PPIP5K2: variants seen among roughly 807,000 people sequenced by gnomAD.
The protein encoded by PPIP5K2 is inositol hexakisphosphate and diphosphoinositol-pentakisphosphate kinase 2.
In PPIP5K2, 105 loss-of-function variants were observed where a neutral mutation model predicts 154.6. The observed-to-expected ratio is 0.68, with a 90% CI of 0.58 to 0.80. The LOEUF is 0.80. Among genes scored for constraint, PPIP5K2 ranks in the 30% least tolerant of loss-of-function variants. The pLI is 0.00. For missense variants in PPIP5K2, 992 were observed against 1,504.6 expected, an observed-to-expected ratio of 0.66 and a Z score of 5.64; for synonymous variants, 480 against 490.3, an observed-to-expected ratio of 0.98 and a Z score of 0.28.
chr5:103,169,800 A>G (rs1797695447), intron 19 of PPIP5K2, among the ~76,000 whole-genome samples: 2 of 151,732 alleles, frequency 1.3e-5, no homozygotes. Context: ...GTAAAAGACA[A>G]GTTTTATTTT....
chr5:103,150,306 G>A (rs529832080), intron 8 of PPIP5K2, among the ~76,000 whole-genome samples: 1 of 152,278 alleles, frequency 6.6e-6, no homozygotes, highest in South Asian at 2.1e-4. Flanking sequence ...GATTCTGAAA[G>A]CTGTGACAAA....
chr5:103,124,063 G>A lies in PPIP5K2; in HGVS notation c.-285+3575G>A, dbSNP rs946581340. ...TGGGAGGCCGAGGCGGGAGGATCAC[G>A]AGGTCAGGAGATTGAAACCATCCTG... On this transcript the variant is annotated intron_variant, in intron 1 of 30. Coordinates refer to ENST00000358359, the MANE Select transcript of PPIP5K2 (RefSeq NM_001276277.3). Among the ~76,000 whole-genome samples the A allele has an allele frequency of 4.6e-5, 7 of 152,128 alleles. No individual in the cohort carries two copies. In the South Asian group the frequency reaches 1.0e-3, roughly 23 times the overall value.
chr5:103,187,347 C>T lies in PPIP5K2; in HGVS notation c.3323C>T (p.Ser1108Phe). 6.5e-7 allele frequency: 1 copy of T among 1,535,324 alleles called. No individual in the cohort carries two copies. The highest frequency in any genetic ancestry group is 8.7e-7 in the Non-Finnish European group (1 of 1,146,274). ...CGCGGTTCTGCTGTTAAAAGGTTTT[C>T]TATCTCATTTGCTCGACACCCAACC... ...ATRGSAVKRF[S>F]ISFARHPTNG... The change falls in exon 28 of 31, where the codon TCT becomes TTT. Residue 1108 changes from serine to phenylalanine, a missense_variant. This residue lies in a region of PPIP5K2 where 29 missense variants were observed against 56.4 expected (regional missense o/e 0.51). Coordinates refer to ENST00000358359, the MANE Select transcript of PPIP5K2 (RefSeq NM_001276277.3).
At chr5:103,147,285 T>C (rs1793912373) in intron 6 of PPIP5K2, among the ~76,000 whole-genome samples, 1 of 151,960 alleles carries the variant, frequency 6.6e-6, no homozygotes, top group African/African-American at 2.4e-5. Context: ...CACAGTGAGA[T>C]ACCATTTTAA....
intron 23 of PPIP5K2, 29 bp from the exon 24 acceptor site, chr5:103,179,992 T>C: frequency 6.7e-7 from 1 of 1,502,958 alleles, no homozygotes; most frequent in Non-Finnish European, 8.9e-7. Flanking sequence ...ATCTGAATAG[T>C]AAAAGTGTTT....
chr5:103,126,219 C>A (rs1304277175), intron 1 of PPIP5K2, among the ~76,000 whole-genome samples: 1 of 152,076 alleles, frequency 6.6e-6, no homozygotes, highest in Non-Finnish European at 1.5e-5. Context: ...TTTACCTAGT[C>A]CCTCACCAAA....
rs1799877084 is a variant in PPIP5K2 at position 103,183,353 on chromosome 5, T to A, written c.3042T>A (p.Pro1014=). Reference sequence around the variant, plus strand: ...CAGGGGAACAAATCACTTCTTCCCCTGTCTCCCCCAAATCATTGGCTTTCA... The same window carrying A: ...CAGGGGAACAAATCACTTCTTCCCCAGTCTCCCCCAAATCATTGGCTTTCA... The part of the protein sequence containing the change: ...RRSGEQITSS[P]VSPKSLAFTS... The change falls in exon 25 of 31, where the codon CCT becomes CCA. Residue 1014 remains proline, a synonymous_variant. Transcript: ENST00000358359. 6.2e-7 allele frequency: 1 copy of A among 1,611,266 alleles called. No homozygotes were observed. Among genetic ancestry groups the A allele is most frequent in the African/African-American group, 1.3e-5 (1 of 74,530 alleles).
chr5:103,148,951 C>G (rs1015602624), intron 7 of PPIP5K2, among the ~76,000 whole-genome samples: 4 of 152,026 alleles, frequency 2.6e-5, no homozygotes, highest in Non-Finnish European at 5.9e-5. Context: ...CTTCACTTTA[C>G]CAATTTTGCT....
At chr5:103,159,769 T>C (rs957432172) in intron 17 of PPIP5K2, among the ~76,000 whole-genome samples, 3 of 152,180 alleles carry the variant, frequency 2.0e-5, no homozygotes, top group African/African-American at 4.8e-5. Context: ...CACATCCTTA[T>C]TTATTTGTGA....
intron 17 of PPIP5K2, among the ~76,000 whole-genome samples, chr5:103,166,888 G>A (rs1051212734): frequency 1.3e-5 from 2 of 151,882 alleles, no homozygotes; most frequent in Non-Finnish European, 2.9e-5. Flanking sequence ...AAAAGAAAGA[G>A]GAAGAGGAGG....
chr5:103,162,233 T>C (rs1554216117), intron 17 of PPIP5K2, among the ~76,000 whole-genome samples: 1 of 152,188 alleles, frequency 6.6e-6, no homozygotes, highest in Non-Finnish European at 1.5e-5. Flanking sequence ...GTCTATGTTT[T>C]TCTTCTTGGA....
Position 103,173,876 on chromosome 5 carries a change from G to A in PPIP5K2, c.2433G>A (p.Leu811=). ...KLHPVYSRGV[L]SPERHVRTRL... ...ATTTTAGGTATTCTAGAGGTGTTCT[G>A]TCTCCTGAACGTCATGTTCGTACTA... The change falls in exon 21 of 31, where the codon CTG becomes CTA. Residue 811 remains leucine, a synonymous_variant. Transcript: ENST00000358359. The A allele has an allele frequency of 1.3e-6, 2 of 1,599,734 alleles. No individual in the cohort carries two copies. The highest frequency in any genetic ancestry group is 1.7e-6 in the Non-Finnish European group (2 of 1,168,324).
chr5:103,197,695 C>A (rs2149838040), intron 30 of PPIP5K2, among the ~76,000 whole-genome samples: 1 of 150,152 alleles, frequency 6.7e-6, no homozygotes, highest in African/African-American at 2.4e-5. Context: ...CCTGTCTCGG[C>A]CTCCTAAGTA....
rs150568843 is a variant in PPIP5K2 at position 103,152,555 on chromosome 5, G to A, written c.1029-93G>A. 8.3e-6 allele frequency: 6 copies of A among 722,778 alleles called. No homozygotes were observed. The East Asian group carries it at 1.3e-4, about 16-fold the overall frequency. The allele number at this position is 722,778 out of a possible 1,614,324, so 44.8% of individuals were successfully genotyped here. On this transcript the variant is annotated intron_variant, in intron 9 of 30. Transcript: ENST00000358359. ...TTTTATGTGATGTAATCACTAGATA[G>A]TTTAACTCTTATGATTCTCTCTCAT...
chr5:103,175,047 A>G (rs1798498154), intron 21 of PPIP5K2, among the ~76,000 whole-genome samples: 2 of 152,048 alleles, frequency 1.3e-5, no homozygotes, highest in Admixed American at 1.3e-4. Context: ...AAAAGATAAG[A>G]ATGTTCTTTT....
chr5:103,143,636 T>TA (rs529799508), intron 5 of PPIP5K2, among the ~76,000 whole-genome samples: 2 of 152,176 alleles, frequency 1.3e-5, no homozygotes, highest in Admixed American at 6.5e-5. Context: ...ACAAAACACT[T>TA]AGAGTTGCTA....
intron 19 of PPIP5K2, among the ~76,000 whole-genome samples, chr5:103,169,282 T>TA: frequency 6.6e-6 from 1 of 151,832 alleles, no homozygotes; most frequent in African/African-American, 2.4e-5. Flanking sequence ...TTGGATATTG[T>TA]AAAGAGGAGG....
At chr5:103,179,954 A>T in intron 23 of PPIP5K2, 67 bp from the exon 24 acceptor site, 1 of 1,331,304 alleles carries the variant, frequency 7.5e-7, no homozygotes, top group Non-Finnish European at 1.0e-6. Flanking sequence ...GTGGTAGTTG[A>T]ATCTGTTCAT....
At chr5:103,126,500 G>C (rs1358179380) in intron 1 of PPIP5K2, among the ~76,000 whole-genome samples, 1 of 152,062 alleles carries the variant, frequency 6.6e-6, no homozygotes, top group African/African-American at 2.4e-5. Flanking sequence ...TATTAGTCAG[G>C]GTTCTCTAGA....
Sources: gnomAD v4.1 joint callset for allele counts (sites outside exome capture counted in the v4.1 genomes callset) on GRCh38, gnomAD v4.1.1 for gene constraint, gnomAD v4.1.1 regional missense constraint, MANE v1.5 for transcripts, NCBI Gene and HGNC (gene_info 2026-07-23, HGNC 2026-07-21) for gene names.